Variants in LRFN5 observed in about 807,000 individuals in gnomAD.
The protein encoded by LRFN5 is leucine rich repeat and fibronectin type III domain containing 5.
Under a neutral mutation model 45.6 loss-of-function variants are expected in LRFN5, and 24 were observed. The observed-to-expected ratio is 0.53, with a 90% CI of 0.38 to 0.74. The LOEUF (loss-of-function observed/expected upper bound fraction) is 0.74. LRFN5 is among the 30% of genes least tolerant of loss of function. LRFN5 has a pLI of 0.00. For missense variants in LRFN5, 776 were observed against 861.5 expected, an observed-to-expected ratio of 0.90 and a Z score of 1.24; for synonymous variants, 340 against 313.8, an observed-to-expected ratio of 1.08 and a Z score of -0.88.
intron 1 of LRFN5, among the ~76,000 whole-genome samples, chr14:41,710,593 A>C (rs1883240460): frequency 1.2e-5 from 1 of 80,646 alleles, no homozygotes; most frequent in Non-Finnish European, 2.2e-5. Flanking sequence ...GGGATAAAAC[A>C]AATTAAAACA....
chr14:41,833,612 G>T (rs1212600821), intron 2 of LRFN5, among the ~76,000 whole-genome samples: 2 of 152,144 alleles, frequency 1.3e-5, no homozygotes, highest in Non-Finnish European at 2.9e-5. Context: ...ATGTTTTAAT[G>T]CTACAGCTGC....
intron 1 of LRFN5, among the ~76,000 whole-genome samples, chr14:41,759,091 C>T (rs1885537900): frequency 6.6e-6 from 1 of 151,904 alleles, no homozygotes; most frequent in African/African-American, 2.4e-5. Context: ...CATGATGTAC[C>T]ATTAGGATGG....
chr14:41,646,086 C>G (rs908868775), intron 1 of LRFN5, among the ~76,000 whole-genome samples: 1 of 152,024 alleles, frequency 6.6e-6, no homozygotes, highest in Non-Finnish European at 1.5e-5. Context: ...AGTAGCATAT[C>G]CGTCATCTCA....
intron 1 of LRFN5, among the ~76,000 whole-genome samples, chr14:41,752,771 T>C (rs567844696): frequency 6.6e-6 from 1 of 152,220 alleles, no homozygotes; most frequent in Non-Finnish European, 1.5e-5. Context: ...TTAGTTTAAT[T>C]AGATCCCATT....
chr14:41,610,441 T>C (rs562515008), intron 1 of LRFN5, among the ~76,000 whole-genome samples: 45 of 152,076 alleles, frequency 3.0e-4, no homozygotes, highest in African/African-American at 9.4e-4. Flanking sequence ...GGTTTGATCA[T>C]GTCATTTATA....
At chr14:41,808,934 T>G (rs1311991226) in intron 2 of LRFN5, among the ~76,000 whole-genome samples, 1 of 152,100 alleles carries the variant, frequency 6.6e-6, no homozygotes, top group Non-Finnish European at 1.5e-5. Flanking sequence ...GGCACTTTAC[T>G]TGATCAGTTA....
chr14:41,648,549 A>G (rs1279828410), intron 1 of LRFN5, among the ~76,000 whole-genome samples: 1 of 152,188 alleles, frequency 6.6e-6, no homozygotes, highest in Admixed American at 6.5e-5. Flanking sequence ...AAACATTAAA[A>G]AATGCTCAGG....
At chr14:41,694,985 C>G (rs1882543240) in intron 1 of LRFN5, among the ~76,000 whole-genome samples, 1 of 151,946 alleles carries the variant, frequency 6.6e-6, no homozygotes, top group South Asian at 2.1e-4. Flanking sequence ...AAGAGCTAGA[C>G]TTCTTGCACC....
intron 1 of LRFN5, among the ~76,000 whole-genome samples, chr14:41,695,152 T>C (rs2138713373): frequency 6.6e-6 from 1 of 152,070 alleles, no homozygotes; most frequent in Admixed American, 6.6e-5. Context: ...AGCACATTGT[T>C]AAGCCAAAGT....
intron 1 of LRFN5, among the ~76,000 whole-genome samples, chr14:41,762,632 T>C (rs1885718145): frequency 6.6e-6 from 1 of 152,110 alleles, no homozygotes; most frequent in Admixed American, 6.5e-5. Context: ...ATTTTTTGCT[T>C]GTGTCCCAAA....
chr14:41,779,366 T>A (rs543983818), intron 2 of LRFN5, among the ~76,000 whole-genome samples: 1 of 152,008 alleles, frequency 6.6e-6, no homozygotes, highest in South Asian at 2.1e-4. Flanking sequence ...CATTGTTTGT[T>A]CAATTTGTTA....
At chr14:41,893,221 A>G in intron 4 of LRFN5, 1 of 969,896 alleles carries the variant, frequency 1.0e-6, no homozygotes, top group Non-Finnish European at 1.2e-6. Context: ...AGGATTTTAA[A>G]TTTAGTAGAA....
At chr14:41,635,025 A>G (rs1879231645) in intron 1 of LRFN5, among the ~76,000 whole-genome samples, 1 of 152,076 alleles carries the variant, frequency 6.6e-6, no homozygotes, top group Admixed American at 6.6e-5. Flanking sequence ...AATCTTTACA[A>G]TCGGGGAATT....
chr14:41,863,450 G>T (rs1159010012), intron 2 of LRFN5, among the ~76,000 whole-genome samples: 2 of 152,090 alleles, frequency 1.3e-5, no homozygotes, highest in Admixed American at 6.5e-5. Context: ...TATCCCACAA[G>T]ATTTGATATA....
chr14:41,608,798 A>G (rs1174880919), intron 1 of LRFN5, among the ~76,000 whole-genome samples: 1 of 152,156 alleles, frequency 6.6e-6, no homozygotes, highest in South Asian at 2.1e-4. Context: ...GATGTGCTCC[A>G]CCCTGAGGAT....
chr14:41,744,945 T>A (rs1365699859), intron 1 of LRFN5, among the ~76,000 whole-genome samples: 1 of 152,100 alleles, frequency 6.6e-6, no homozygotes, highest in East Asian at 1.9e-4. Context: ...AATAGTTGGA[T>A]ACTTCAATAC....
chr14:41,820,329 A>C (rs893270824), intron 2 of LRFN5, among the ~76,000 whole-genome samples: 1 of 152,074 alleles, frequency 6.6e-6, no homozygotes, highest in Non-Finnish European at 1.5e-5. Context: ...ATTCTTCTGC[A>C]TGTGGCTATC....
intron 1 of LRFN5, among the ~76,000 whole-genome samples, chr14:41,628,870 T>C (rs1192120496): frequency 6.6e-6 from 1 of 152,138 alleles, no homozygotes; most frequent in East Asian, 1.9e-4. Flanking sequence ...CACCTTCTTT[T>C]GTGTCTCCTG....
At chr14:41,895,929 T>G (rs1320119330) in intron 4 of LRFN5, among the ~76,000 whole-genome samples, 1 of 152,140 alleles carries the variant, frequency 6.6e-6, no homozygotes, top group Admixed American at 6.5e-5. Flanking sequence ...AACATAAATG[T>G]GATCCATTTG....
Sources: allele counts gnomAD v4.1 joint callset (sites outside exome capture counted in the v4.1 genomes callset), GRCh38; gene constraint gnomAD v4.1.1; transcripts MANE v1.5; gene names NCBI Gene and HGNC (gene_info 2026-07-23, HGNC 2026-07-21).